Variants in MAPRE2 observed in about 807,000 individuals in gnomAD.
MAPRE2 encodes microtubule-associated protein RP/EB family member 2.
In MAPRE2, 13 loss-of-function variants were observed where a neutral mutation model predicts 43.2. That is an observed-to-expected ratio of 0.30 (90% confidence interval 0.20 to 0.48). MAPRE2 has a LOEUF of 0.48. MAPRE2 is among the 20% of genes least tolerant of loss of function. The pLI, the probability that MAPRE2 is intolerant of heterozygous loss-of-function variation, is 0.99. For missense variants in MAPRE2, 161 were observed against 400.2 expected (o/e 0.40, Z 5.10); for synonymous variants, 135 against 148.8 (o/e 0.91, Z 0.68).
chr18:35,079,012 AG>A (rs1337481788), intron 2 of MAPRE2, among the ~76,000 whole-genome samples: 1 of 152,214 alleles, frequency 6.6e-6, no homozygotes, highest in Non-Finnish European at 1.5e-5. Flanking sequence ...AAGCAAGATG[AG>A]GTGGCTCTGA....
chr18:35,121,664 A>G (rs896056367), intron 4 of MAPRE2, among the ~76,000 whole-genome samples: 1 of 152,172 alleles, frequency 6.6e-6, no homozygotes, highest in African/African-American at 2.4e-5. Context: ...ATTACAGCCA[A>G]AGTAGGTGCA....
intron 1 of MAPRE2, among the ~76,000 whole-genome samples, chr18:34,985,395 A>G (rs1301773318): frequency 2.3e-5 from 1 of 42,622 alleles, no homozygotes; most frequent in Non-Finnish European, 3.9e-5. Context: ...TATATATATA[A>G]TATATAATAT....
intron 3 of MAPRE2, among the ~76,000 whole-genome samples, chr18:35,098,150 C>G (rs1908513312): frequency 6.6e-6 from 1 of 152,124 alleles, no homozygotes; most frequent in South Asian, 2.1e-4. Flanking sequence ...TACTTTTGTC[C>G]TGGAGTGGTG....
At chr18:35,105,441 G>C (rs981534942) in intron 4 of MAPRE2, among the ~76,000 whole-genome samples, 4 of 151,990 alleles carry the variant, frequency 2.6e-5, no homozygotes, top group East Asian at 1.9e-4. Context: ...ATCACATATA[G>C]AGTGTTATTA....
chr18:35,097,784 A>G (rs538329724), intron 3 of MAPRE2, among the ~76,000 whole-genome samples, 193 bp downstream of exon 3: 47 of 152,184 alleles, frequency 3.1e-4, no homozygotes, highest in Admixed American at 1.2e-3. Flanking sequence ...GATTTTCTAA[A>G]CTTGTAGCCA....
chr18:35,064,000 TAAAAAAAAAAAAAAAA>T lies in MAPRE2; in HGVS notation c.123-6177_123-6162del, dbSNP rs575347953. The stretch of plus-strand genomic sequence containing the variant: ...ACTGCCGAGTGAGACCCTGTCTCTT[TAAAAAAAAAAAAAAAA>T]AAAAAAAAAAAAAAAAATCTGGCCA... On this transcript the variant is annotated intron_variant, in intron 1 of 6. Coordinates refer to ENST00000300249, the MANE Select transcript of MAPRE2 (RefSeq NM_014268.4). 2.4e-4 allele frequency among the ~76,000 whole-genome samples: 8 copies of T among 33,970 alleles called. No homozygotes were observed. In the Admixed American group the frequency reaches 2.5e-3, roughly 11 times the overall value. The allele number at this position is 33,970 out of a possible 152,430, so 22.3% of individuals were successfully genotyped here.
At chr18:35,081,870 T>C (rs1018096732) in intron 2 of MAPRE2, 4 of 152,232 alleles carry the variant, frequency 2.6e-5, no homozygotes, top group African/African-American at 4.8e-5. Context: ...AGAGTTCATG[T>C]AGTGGCCTGG....
chr18:35,073,648 A>G (rs181529633), intron 2 of MAPRE2, among the ~76,000 whole-genome samples: 54 of 152,114 alleles, frequency 3.5e-4, no homozygotes, highest in African/African-American at 1.3e-3. Context: ...TTCCTATTGC[A>G]TTATTTCCTA....
At chr18:35,056,252 A>C (rs1906225759) in intron 1 of MAPRE2, among the ~76,000 whole-genome samples, 1 of 152,132 alleles carries the variant, frequency 6.6e-6, no homozygotes, top group Non-Finnish European at 1.5e-5. Context: ...GTAGCATTAT[A>C]CATATATAAA....
At chr18:35,028,727 G>A (rs2097046459) in intron 2 of MAPRE2, among the ~76,000 whole-genome samples, 1 of 152,204 alleles carries the variant, frequency 6.6e-6, no homozygotes. Flanking sequence ...AATGTTCACT[G>A]TGCATGCTCT....
intron 3 of MAPRE2, among the ~76,000 whole-genome samples, chr18:35,101,480 C>G (rs1908675716): frequency 6.6e-6 from 1 of 152,136 alleles, no homozygotes; most frequent in Admixed American, 6.5e-5. Flanking sequence ...GTTGTGCTAT[C>G]AAATAGTAGG....
chr18:35,089,435 T>G (rs1908036092), intron 2 of MAPRE2, among the ~76,000 whole-genome samples: 2 of 152,186 alleles, frequency 1.3e-5, no homozygotes, highest in Non-Finnish European at 2.9e-5. Context: ...ATCTAGAATA[T>G]AGAAAGGATT....
intron 2 of MAPRE2, among the ~76,000 whole-genome samples, chr18:35,079,661 A>G (rs909710361): frequency 1.3e-5 from 2 of 152,200 alleles, no homozygotes; most frequent in African/African-American, 2.4e-5. Context: ...CATCATCCCC[A>G]GTCTTAAAGA....
intron 5 of MAPRE2, among the ~76,000 whole-genome samples, chr18:35,129,668 G>A (rs997320699): frequency 6.6e-6 from 1 of 152,202 alleles, no homozygotes; most frequent in African/African-American, 2.4e-5. Context: ...CTCGGAGCGC[G>A]GGTGGGGCCA....
At chr18:35,113,331 G>C (rs1345503148) in intron 4 of MAPRE2, among the ~76,000 whole-genome samples, 1 of 152,176 alleles carries the variant, frequency 6.6e-6, no homozygotes, top group African/African-American at 2.4e-5. Flanking sequence ...TTCTTCCTAG[G>C]AAGAGCCATA....
At chr18:34,981,831 C>T (rs1403014625) in intron 1 of MAPRE2, among the ~76,000 whole-genome samples, 2 of 151,644 alleles carry the variant, frequency 1.3e-5, no homozygotes, top group African/African-American at 4.8e-5. Flanking sequence ...GTAGAAACTA[C>T]TCATATACAT....
intron 2 of MAPRE2, among the ~76,000 whole-genome samples, chr18:35,088,270 C>T (rs947544702): frequency 6.6e-6 from 1 of 152,146 alleles, no homozygotes; most frequent in Non-Finnish European, 1.5e-5. Flanking sequence ...GACATATAAG[C>T]TTTCATCTGA....
chr18:34,989,458 C>T (rs1463008840), intron 1 of MAPRE2, among the ~76,000 whole-genome samples: 1 of 152,116 alleles, frequency 6.6e-6, no homozygotes, highest in Non-Finnish European at 1.5e-5. Flanking sequence ...GCCTATAATG[C>T]CAGCATTTTG....
chr18:34,992,722 A>G (rs1353281516), intron 1 of MAPRE2, among the ~76,000 whole-genome samples: 1 of 152,214 alleles, frequency 6.6e-6, no homozygotes, highest in Non-Finnish European at 1.5e-5. Context: ...AATTCTTTAA[A>G]TTGGAATAGG....
Sources: allele counts gnomAD v4.1 joint callset (sites outside exome capture counted in the v4.1 genomes callset), GRCh38; gene constraint gnomAD v4.1.1; transcripts MANE v1.5; gene names NCBI Gene and HGNC (gene_info 2026-07-23, HGNC 2026-07-21).